The following SSBP2 variants were observed in gnomAD, a reference collection of about 807,000 sequenced individuals.
SSBP2 encodes the protein single stranded DNA binding protein 2.
In SSBP2, 17 loss-of-function variants were observed where a neutral mutation model predicts 61.8. The ratio of observed to expected loss-of-function variants is 0.28; its 90% CI spans 0.19 to 0.41. The LOEUF (loss-of-function observed/expected upper bound fraction) is 0.41. SSBP2 is among the 10% of genes least tolerant of loss of function. The probability of loss-of-function intolerance (pLI) is 1.00; values close to 1 mark genes in which losing one functional copy is unlikely to be tolerated. For missense variants in SSBP2, 310 were observed against 458.7 expected (o/e 0.68, Z 2.96); for synonymous variants, 139 against 141.3 (o/e 0.98, Z 0.12).
chr5:81,428,731 C>T (rs1235275754), intron 15 of SSBP2, 48 bp from the exon 16 acceptor site: 1 of 1,338,000 alleles, frequency 7.5e-7, no homozygotes, highest in African/African-American at 1.4e-5. Flanking sequence ...ATTTTAATTT[C>T]CCTCTTGCAC....
intron 8 of SSBP2, among the ~76,000 whole-genome samples, chr5:81,471,237 T>C (rs1036899134): frequency 1.3e-5 from 2 of 151,764 alleles, no homozygotes; most frequent in Non-Finnish European, 3.0e-5. Context: ...AACTTAGCTA[T>C]TAAAACTCAT....
At chr5:81,636,310 G>A (rs78398578) in intron 3 of SSBP2, among the ~76,000 whole-genome samples, 1,979 of 152,244 alleles carry the variant, frequency 0.013, 35 homozygotes, top group African/African-American at 0.045. Flanking sequence ...ATCCCAAGCC[G>A]TTACAGAATT....
chr5:81,741,489 G>A (rs1228194695), intron 1 of SSBP2, among the ~76,000 whole-genome samples: 3 of 151,958 alleles, frequency 2.0e-5, no homozygotes, highest in Non-Finnish European at 1.5e-5. Flanking sequence ...GTAAATTTTA[G>A]GTTATATATA....
intron 14 of SSBP2, among the ~76,000 whole-genome samples, chr5:81,439,923 G>A (rs1044501354): frequency 4.6e-5 from 7 of 151,414 alleles, no homozygotes; most frequent in East Asian, 3.9e-4. Flanking sequence ...TGCCTGCCTC[G>A]GCCTCCCAAA....
At chr5:81,647,855 T>C (rs964282354) in intron 2 of SSBP2, among the ~76,000 whole-genome samples, 1 of 152,162 alleles carries the variant, frequency 6.6e-6, no homozygotes, top group African/African-American at 2.4e-5. Context: ...GCTCAAAGCC[T>C]AGGAGTCTAG....
At chr5:81,485,786 C>A (rs1441207106) in intron 6 of SSBP2, among the ~76,000 whole-genome samples, 1 of 152,160 alleles carries the variant, frequency 6.6e-6, no homozygotes, top group Non-Finnish European at 1.5e-5. Context: ...GCTGGGATTA[C>A]AGATGTGAGC....
chr5:81,564,625 T>A (rs1424580014), intron 4 of SSBP2, among the ~76,000 whole-genome samples: 1 of 152,182 alleles, frequency 6.6e-6, no homozygotes, highest in South Asian at 2.1e-4. Context: ...TGAACCAAGT[T>A]ACCCATTCTC....
intron 3 of SSBP2, among the ~76,000 whole-genome samples, chr5:81,627,030 C>G (rs576372797): frequency 6.6e-6 from 1 of 152,004 alleles, no homozygotes. Flanking sequence ...AGATGACATA[C>G]GCAAAAGTAA....
chr5:81,721,944 T>C lies in SSBP2; in HGVS notation c.62+29037A>G, dbSNP rs373188636. On this transcript the variant is annotated intron_variant, in intron 1 of 16. Transcript: ENST00000320672. ...CTCTGCTGCTTCATCCCTATACTGGTCCATTGGGGCACCCTGATCTTTACT... is the reference window on the plus strand; with the variant it reads ...CTCTGCTGCTTCATCCCTATACTGGCCCATTGGGGCACCCTGATCTTTACT... Among the ~76,000 whole-genome samples, 14 of 152,128 alleles carry C rather than the reference T, an allele frequency of 9.2e-5. No individual in the cohort carries two copies. The East Asian group carries it at 1.7e-3, about 19-fold the overall frequency.
At chr5:81,662,324 G>A (rs1463159125) in intron 1 of SSBP2, among the ~76,000 whole-genome samples, 7 of 151,894 alleles carry the variant, frequency 4.6e-5, no homozygotes, top group African/African-American at 9.7e-5. Flanking sequence ...AAAATTAGCC[G>A]GGCATGGTGG....
intron 1 of SSBP2, among the ~76,000 whole-genome samples, chr5:81,659,297 T>A (rs1750487509): frequency 6.6e-6 from 1 of 152,158 alleles, no homozygotes; most frequent in Admixed American, 6.5e-5. Flanking sequence ...ATCCTTAAGC[T>A]GATAAGCAAC....
chr5:81,623,331 C>CTTTTTTTTTT (rs35687529), intron 3 of SSBP2, among the ~76,000 whole-genome samples: 2 of 110,580 alleles, frequency 1.8e-5, no homozygotes, highest in Admixed American at 1.1e-4. Context: ...CATTGTAGTA[C>CTTTTTTTTTT]TTTTTTTTTT....
At chr5:81,705,544 A>G (rs748315026) in intron 1 of SSBP2, among the ~76,000 whole-genome samples, 3 of 152,168 alleles carry the variant, frequency 2.0e-5, no homozygotes, top group Admixed American at 6.5e-5. Flanking sequence ...AAAGAGCCAT[A>G]AACACACCAA....
chr5:81,748,777 A>C (rs953661075), intron 1 of SSBP2, among the ~76,000 whole-genome samples: 5 of 152,208 alleles, frequency 3.3e-5, no homozygotes, highest in Non-Finnish European at 5.9e-5. Context: ...CTTGGTGTTC[A>C]GTTTGGTAGA....
chr5:81,526,760 GT>G, intron 4 of SSBP2, among the ~76,000 whole-genome samples: 1 of 151,948 alleles, frequency 6.6e-6, no homozygotes, highest in Non-Finnish European at 1.5e-5. Flanking sequence ...GCAGACCTTT[GT>G]TCTTCTTCTC....
At chr5:81,493,087 A>G (rs1766980554) in intron 5 of SSBP2, among the ~76,000 whole-genome samples, 1 of 151,980 alleles carries the variant, frequency 6.6e-6, no homozygotes, top group Admixed American at 6.6e-5. Flanking sequence ...ATCCCACAAC[A>G]CAACAGTCCT....
At chr5:81,451,116 T>C (rs1331228477) in intron 10 of SSBP2, among the ~76,000 whole-genome samples, 2 of 152,190 alleles carry the variant, frequency 1.3e-5, no homozygotes, top group Non-Finnish European at 2.9e-5. Flanking sequence ...ACATGGCAGA[T>C]TTTAAGCTAA....
chr5:81,565,607 T>C (rs1773363593), intron 4 of SSBP2, among the ~76,000 whole-genome samples: 1 of 152,156 alleles, frequency 6.6e-6, no homozygotes, highest in South Asian at 2.1e-4. Context: ...CATACTTCCA[T>C]TATAGAATTA....
intron 2 of SSBP2, among the ~76,000 whole-genome samples, chr5:81,646,688 A>ATTTTTT (rs68107334): frequency 1.2e-5 from 1 of 85,944 alleles, no homozygotes; most frequent in Non-Finnish European, 2.2e-5. Flanking sequence ...TGATGATGTC[A>ATTTTTT]TTTTTTTTTT....
Sources: allele counts gnomAD v4.1 joint callset (sites outside exome capture counted in the v4.1 genomes callset), GRCh38; gene constraint gnomAD v4.1.1; transcripts MANE v1.5; gene names NCBI Gene and HGNC (gene_info 2026-07-23, HGNC 2026-07-21).